Variants in PARD3B observed in about 807,000 individuals in gnomAD.
The protein encoded by PARD3B is partitioning defective 3 homolog B.
Under a neutral mutation model 130.2 loss-of-function variants are expected in PARD3B, and 103 were observed. The observed-to-expected ratio is 0.79, with a 90% CI of 0.67 to 0.93. The LOEUF is 0.93. Among genes scored for constraint, PARD3B ranks in the 40% least tolerant of loss-of-function variants. PARD3B has a pLI of 0.00. For missense variants in PARD3B, 1,609 were observed against 1,499.2 expected (o/e 1.07, Z -1.21); for synonymous variants, 583 against 553.2 (o/e 1.05, Z -0.76).
At chr2:205,221,339 C>T (rs1024754094) in intron 15 of PARD3B, among the ~76,000 whole-genome samples, 11 of 152,154 alleles carry the variant, frequency 7.2e-5, no homozygotes, top group South Asian at 2.1e-4. Flanking sequence ...ACCGGCTCTC[C>T]GTAAACATTC....
chr2:204,856,161 C>G (rs2044928329), intron 2 of PARD3B, among the ~76,000 whole-genome samples: 1 of 152,062 alleles, frequency 6.6e-6, no homozygotes, highest in Non-Finnish European at 1.5e-5. Flanking sequence ...ACATTCCCAC[C>G]AACACTCTAC....
intron 2 of PARD3B, among the ~76,000 whole-genome samples, chr2:204,891,222 C>G (rs1469604061): frequency 1.3e-5 from 2 of 149,962 alleles, no homozygotes; most frequent in Non-Finnish European, 3.0e-5. Flanking sequence ...CTATTAAATA[C>G]CTATACATCG....
At chr2:205,383,263 A>T (rs1157131282) in intron 18 of PARD3B, among the ~76,000 whole-genome samples, 1 of 152,058 alleles carries the variant, frequency 6.6e-6, no homozygotes, top group Non-Finnish European at 1.5e-5. Flanking sequence ...TAATCATTCT[A>T]GCCTCTTCCT....
intron 4 of PARD3B, among the ~76,000 whole-genome samples, chr2:205,067,238 T>C (rs1397813255): frequency 2.0e-5 from 3 of 151,478 alleles, no homozygotes; most frequent in African/African-American, 4.8e-5. Context: ...CCTAGCTCAC[T>C]GTAAGAAACT....
chr2:205,502,913 A>C (rs1470108503), intron 21 of PARD3B, among the ~76,000 whole-genome samples: 2 of 151,940 alleles, frequency 1.3e-5, no homozygotes, highest in African/African-American at 4.8e-5. Flanking sequence ...GCACCTGCCC[A>C]GTGGCCTGAA....
intron 2 of PARD3B, among the ~76,000 whole-genome samples, chr2:204,715,489 T>C (rs555516603): frequency 1.8e-4 from 28 of 152,110 alleles, no homozygotes; most frequent in African/African-American, 6.5e-4. Context: ...TTTTTCTTTT[T>C]TTTTTTTTTT....
At chr2:204,757,151 C>G (rs897306116) in intron 2 of PARD3B, among the ~76,000 whole-genome samples, 3 of 152,136 alleles carry the variant, frequency 2.0e-5, no homozygotes, top group Non-Finnish European at 4.4e-5. Flanking sequence ...TTTTCTTTAT[C>G]CAGTCCACCG....
At chr2:205,376,309 G>A (rs2105920677) in intron 18 of PARD3B, among the ~76,000 whole-genome samples, 1 of 152,252 alleles carries the variant, frequency 6.6e-6, no homozygotes, top group South Asian at 2.1e-4. Flanking sequence ...ATGGGTCGGA[G>A]GATACTTAGG....
intron 4 of PARD3B, among the ~76,000 whole-genome samples, chr2:205,102,415 G>A (rs905870210): frequency 6.6e-6 from 1 of 151,144 alleles, no homozygotes; most frequent in Non-Finnish European, 1.5e-5. Flanking sequence ...CCAATATTAT[G>A]TTAAATTATC....
chr2:205,384,620 C>T (rs935342761), intron 18 of PARD3B, among the ~76,000 whole-genome samples: 6 of 152,230 alleles, frequency 3.9e-5, no homozygotes, highest in South Asian at 4.1e-4. Flanking sequence ...GTGCTCTCCA[C>T]GGCAAAGCCT....
chr2:205,167,039 G>A lies in PARD3B; in HGVS notation c.1621-5172G>A, dbSNP rs1035026707. On this transcript the variant is annotated intron_variant, in intron 11 of 22. Transcript: ENST00000406610. ...CTTCTCTCATATTCTTCAGTGGCTA[G>A]TTCAGTTCTTTGCCTTGGCTTTCTT... 1.4e-4 allele frequency among the ~76,000 whole-genome samples: 21 copies of A among 152,322 alleles called. No individual in the cohort carries two copies. The South Asian group carries it at 4.4e-3, about 32-fold the overall frequency.
intron 22 of PARD3B, among the ~76,000 whole-genome samples, chr2:205,579,097 G>T (rs2053868981): frequency 6.6e-6 from 1 of 152,192 alleles, no homozygotes; most frequent in African/African-American, 2.4e-5. Flanking sequence ...TTTTGAAGCT[G>T]TAAGAAAATA....
intron 1 of PARD3B, among the ~76,000 whole-genome samples, chr2:204,661,003 C>G (rs1251036182): frequency 6.6e-6 from 1 of 152,146 alleles, no homozygotes; most frequent in Non-Finnish European, 1.5e-5. Context: ...CAGTTGAGTA[C>G]TGATGCTTTC....
intron 1 of PARD3B, among the ~76,000 whole-genome samples, chr2:204,632,682 C>G (rs977646446): frequency 1.3e-5 from 2 of 152,140 alleles, no homozygotes; most frequent in African/African-American, 4.8e-5. Flanking sequence ...CCTGTTCCTA[C>G]GGTTGCAGAG....
At position 205,241,340 on chromosome 2, in the gene PARD3B, A is replaced by G. The variant is rs2039342922; in HGVS notation, c.2141-4438A>G. 1.3e-5 allele frequency among the ~76,000 whole-genome samples: 2 copies of G among 152,182 alleles called. No individual in the cohort carries two copies. Among genetic ancestry groups the G allele is most frequent in the African/African-American group, 4.8e-5 (2 of 41,464 alleles). On this transcript the variant is annotated intron_variant, in intron 15 of 22. Transcript: ENST00000406610. The surrounding 1 kb of genome is among the most constrained non-coding windows in gnomAD (Gnocchi z 4.2). ...TCTAGAAATCCTATTATCTAAATAA[A>G]TCGGAAGAAAGATCAAGAGGAGGCA... is the stretch of plus-strand genomic sequence containing the variant.
chr2:205,029,184 G>A (rs558201872), intron 3 of PARD3B, among the ~76,000 whole-genome samples: 90 of 152,174 alleles, frequency 5.9e-4, no homozygotes, highest in African/African-American at 2.1e-3. Flanking sequence ...AAATATATAT[G>A]CACTTGGTTT....
At chr2:205,442,523 G>C (rs2047755644) in intron 20 of PARD3B, among the ~76,000 whole-genome samples, 1 of 152,000 alleles carries the variant, frequency 6.6e-6, no homozygotes, top group Non-Finnish European at 1.5e-5. Context: ...GGCTGGTCTT[G>C]AACTCCTGAC....
At chr2:205,283,541 A>G (rs549181663) in intron 16 of PARD3B, among the ~76,000 whole-genome samples, 20 of 152,192 alleles carry the variant, frequency 1.3e-4, no homozygotes, top group Non-Finnish European at 1.8e-4. Flanking sequence ...ATGCAATTCA[A>G]TTCACTAAAC....
intron 18 of PARD3B, among the ~76,000 whole-genome samples, chr2:205,396,868 A>C (rs2046049569): frequency 6.6e-6 from 1 of 152,156 alleles, no homozygotes; most frequent in Non-Finnish European, 1.5e-5. Flanking sequence ...TTTTCTCACA[A>C]AAATAGCTAA....
Sources: gnomAD v4.1 joint callset for allele counts (sites outside exome capture counted in the v4.1 genomes callset) on GRCh38, gnomAD v4.1.1 for gene constraint, Gnocchi (gnomAD v3.1) non-coding constraint, MANE v1.5 for transcripts, NCBI Gene and HGNC (gene_info 2026-07-23, HGNC 2026-07-21) for gene names.